The following FAM53A variants were observed in gnomAD, a reference collection of about 807,000 sequenced individuals.
The protein encoded by FAM53A is family with sequence similarity 53 member A.
Under a neutral mutation model 26.6 loss-of-function variants are expected in FAM53A, and 28 were observed. That is an observed-to-expected ratio of 1.05 (90% confidence interval 0.78 to 1.45). FAM53A has a LOEUF of 1.45. Among genes scored for constraint, FAM53A ranks in the 40% most tolerant of loss-of-function variants. The probability of loss-of-function intolerance (pLI) is 0.00; values close to 1 mark genes in which losing one functional copy is unlikely to be tolerated. For synonymous variants in FAM53A, 290 were observed against 253.1 expected (o/e 1.15, Z -1.38); for missense variants, 650 against 575.8 (o/e 1.13, Z -1.32).
At chr4:1,577,651 G>A in the FAM53A span, among the ~76,000 whole-genome samples, 1 of 152,174 alleles carries the variant, frequency 6.6e-6, no homozygotes, top group Admixed American at 6.5e-5. Context: ...AAATCCCCCG[G>A]TAACAATTAA....
chr4:1,684,602 A>AGACCTGTGGCGGCGGC (rs1405852767), upstream of FAM53A, among the ~76,000 whole-genome samples: 1 of 151,626 alleles, frequency 6.6e-6, no homozygotes. Flanking sequence ...CTAGAAGGCA[A>AGACCTGTGGCGGCGGC]GACCTGTGGC....
chr4:1,591,001 T>TATATAA, the FAM53A span, among the ~76,000 whole-genome samples: 4 of 125,744 alleles, frequency 3.2e-5, no homozygotes, highest in African/African-American at 1.2e-4. Context: ...TATATATATA[T>TATATAA]AATCATTCTA....
intron 1 of FAM53A, among the ~76,000 whole-genome samples, chr4:1,620,958 C>T (rs921026301): frequency 1.3e-5 from 2 of 152,118 alleles, no homozygotes; most frequent in Non-Finnish European, 2.9e-5. Flanking sequence ...GCTCCACCTC[C>T]TCGCATGTGG....
intron 4 of FAM53A, among the ~76,000 whole-genome samples, chr4:1,653,332 C>G (rs1713046313): frequency 6.6e-6 from 1 of 152,224 alleles, no homozygotes; most frequent in African/African-American, 2.4e-5. Flanking sequence ...CGATCACCAA[C>G]TCACCCAACC....
the FAM53A span, among the ~76,000 whole-genome samples, chr4:1,605,057 A>G: frequency 6.6e-6 from 1 of 152,212 alleles, no homozygotes; most frequent in East Asian, 1.9e-4. This position sits in a 1 kb window ranked among gnomAD's most constrained non-coding sequence, Gnocchi z 5.7. Context: ...CCACCTGCAG[A>G]CACCGGGCTC....
chr4:1,588,616 G>C, the FAM53A span, among the ~76,000 whole-genome samples: 2 of 152,164 alleles, frequency 1.3e-5, no homozygotes, highest in African/African-American at 4.8e-5. Flanking sequence ...TATGAGTGAA[G>C]CTATCCTCAA....
rs35096985 is a variant in FAM53A at position 1,679,684 on chromosome 4, TAAAA to T, written c.-165+4545_-165+4548del. Among the ~76,000 whole-genome samples the T allele has an allele frequency of 8.9e-5, 10 of 112,478 alleles. 1 individual carries two copies. Among genetic ancestry groups the T allele is most frequent in the Admixed American group, 8.5e-4 (9 of 10,608 alleles). 73.8% of individuals were successfully genotyped at this position (112,478 alleles called of 152,430 possible). On this transcript the variant is annotated intron_variant, in intron 1 of 4. Transcript: ENST00000308132. ...CTAGGCAACAAGAGGGAAACTCCATTAAAAAAAAAAAAAAAAAAAAGAACCCAAC... is the reference window on the plus strand; with the variant it reads ...CTAGGCAACAAGAGGGAAACTCCATTAAAAAAAAAAAAAAAAGAACCCAAC...
At chr4:1,654,459 C>CA (rs1317682900) in intron 4 of FAM53A, among the ~76,000 whole-genome samples, 1 of 152,256 alleles carries the variant, frequency 6.6e-6, no homozygotes, top group East Asian at 1.9e-4. Flanking sequence ...TACATCCAGA[C>CA]AGTTTCTGCA....
chr4:1,656,003 G>A (rs1042532792), intron 3 of FAM53A, among the ~76,000 whole-genome samples: 14 of 152,134 alleles, frequency 9.2e-5, no homozygotes, highest in African/African-American at 1.7e-4. Context: ...ACAACCGCAC[G>A]GCTCTGCTCT....
At chr4:1,653,485 C>T (rs12644679) in intron 4 of FAM53A, among the ~76,000 whole-genome samples, 4,808 of 152,278 alleles carry the variant, frequency 0.032, 240 homozygotes, top group African/African-American at 0.11. Flanking sequence ...TGCTCCCATC[C>T]CTCCTGGTCC....
intron 4 of FAM53A, among the ~76,000 whole-genome samples, chr4:1,652,963 C>T (rs1196939381): frequency 1.3e-5 from 2 of 150,010 alleles, no homozygotes; most frequent in Non-Finnish European, 3.0e-5. Flanking sequence ...ACACAGACCA[C>T]GCATACACTA....
the FAM53A span, among the ~76,000 whole-genome samples, chr4:1,602,421 C>T: frequency 2.0e-5 from 3 of 152,170 alleles, no homozygotes; most frequent in Non-Finnish European, 4.4e-5. Context: ...ACAAAGGCTG[C>T]GGCAAATGAA....
intron 3 of FAM53A, among the ~76,000 whole-genome samples, chr4:1,657,036 G>T (rs1445747326): frequency 3.9e-5 from 6 of 152,310 alleles, no homozygotes; most frequent in Non-Finnish European, 7.4e-5. Context: ...CGCCCAGTAT[G>T]CCATGGCACG....
At chr4:1,591,630 G>A in the FAM53A span, among the ~76,000 whole-genome samples, 4 of 152,208 alleles carry the variant, frequency 2.6e-5, no homozygotes, top group East Asian at 1.9e-4. Flanking sequence ...GGTAGGTCCT[G>A]GTTCCTTCTG....
At chr4:1,627,038 A>G (rs1715337502) in intron 1 of FAM53A, among the ~76,000 whole-genome samples, 1 of 152,206 alleles carries the variant, frequency 6.6e-6, no homozygotes, top group South Asian at 2.1e-4. Context: ...CAGTGAGGCC[A>G]GCCAGAGGCA....
the FAM53A span, among the ~76,000 whole-genome samples, chr4:1,600,555 C>A: frequency 6.6e-6 from 1 of 152,214 alleles, no homozygotes; most frequent in Non-Finnish European, 1.5e-5. Context: ...AGGCCCCACA[C>A]GGCCAGGGTG....
intron 1 of FAM53A, among the ~76,000 whole-genome samples, chr4:1,671,676 T>C (rs1714671154): frequency 6.6e-6 from 1 of 152,196 alleles, no homozygotes; most frequent in Non-Finnish European, 1.5e-5. Context: ...GCTCTATGGC[T>C]GACAAGCCAG....
At chr4:1,656,143 G>T (rs1174700718) in intron 3 of FAM53A, among the ~76,000 whole-genome samples, 1 of 152,172 alleles carries the variant, frequency 6.6e-6, no homozygotes, top group Non-Finnish European at 1.5e-5. Context: ...AGCAGCTCAG[G>T]TCCCTTAGTA....
At chr4:1,657,260 G>A (rs1577128563) in intron 3 of FAM53A, 148 bp downstream of exon 3, 1 of 700,702 alleles carries the variant, frequency 1.4e-6, no homozygotes, top group Non-Finnish European at 2.4e-6. Context: ...CGGCAGCAGG[G>A]ACCACCCCAC....
Sources: allele counts gnomAD v4.1 joint callset (sites outside exome capture counted in the v4.1 genomes callset), GRCh38; gene constraint gnomAD v4.1.1; non-coding constraint Gnocchi (gnomAD v3.1); transcripts MANE v1.5; gene names NCBI Gene and HGNC (gene_info 2026-07-23, HGNC 2026-07-21).